MAST4: variants seen among roughly 807,000 people sequenced by gnomAD.
MAST4 encodes microtubule-associated serine/threonine-protein kinase 4.
A neutral mutation model predicts 162.7 loss-of-function variants in MAST4; 89 were observed. That is an observed-to-expected ratio of 0.55 (90% CI 0.46 to 0.65). MAST4 has a LOEUF of 0.65. MAST4 is among the 30% of genes least tolerant of loss of function. MAST4 has a pLI of 0.00. For synonymous variants in MAST4, 1,479 were observed against 1,361.1 expected (o/e 1.09, Z -1.91); for missense variants, 3,153 against 3,374.0 (o/e 0.93, Z 1.62).
At chr5:66,599,754 A>G (rs1742432935) in intron 1 of MAST4, among the ~76,000 whole-genome samples, 2 of 150,722 alleles carry the variant, frequency 1.3e-5, no homozygotes, top group Non-Finnish European at 2.9e-5. Flanking sequence ...AACAGTTTTT[A>G]TTTGTCTCCA....
chr5:66,898,034 A>G (rs1240359053), intron 3 of MAST4, among the ~76,000 whole-genome samples: 1 of 152,202 alleles, frequency 6.6e-6, no homozygotes, highest in Non-Finnish European at 1.5e-5. Flanking sequence ...TTTTGTTGTT[A>G]TTAATGATAA....
chr5:67,057,091 G>C (rs573618503), intron 5 of MAST4, among the ~76,000 whole-genome samples: 1 of 152,266 alleles, frequency 6.6e-6, no homozygotes, highest in East Asian at 1.9e-4. Flanking sequence ...GTGAGAAGTG[G>C]CATTTATTAC....
At chr5:66,906,322 G>T (rs1763351451) in intron 4 of MAST4, among the ~76,000 whole-genome samples, 1 of 152,168 alleles carries the variant, frequency 6.6e-6, no homozygotes, top group African/African-American at 2.4e-5. Flanking sequence ...GGCTGAAAAA[G>T]GGGGATTCGT....
intron 1 of MAST4, among the ~76,000 whole-genome samples, chr5:66,730,842 C>T (rs377079288): frequency 1.3e-5 from 2 of 151,712 alleles, no homozygotes; most frequent in Admixed American, 1.3e-4. Flanking sequence ...TATGGATCCA[C>T]ATATACCAAC....
intron 4 of MAST4, among the ~76,000 whole-genome samples, chr5:66,936,236 CTGAGTT>C (rs1465773804): frequency 1.3e-5 from 2 of 152,182 alleles, no homozygotes; most frequent in East Asian, 3.9e-4. Context: ...TTATAACAGT[CTGAGTT>C]TAATTCCTGG....
intron 1 of MAST4, among the ~76,000 whole-genome samples, chr5:66,611,587 T>C (rs1743291960): frequency 6.6e-6 from 1 of 152,196 alleles, no homozygotes; most frequent in African/African-American, 2.4e-5. Context: ...TGATATCTCT[T>C]TAGGGATCTT....
At chr5:67,057,992 C>T (rs1386498453) in intron 5 of MAST4, among the ~76,000 whole-genome samples, 1 of 150,942 alleles carries the variant, frequency 6.6e-6, no homozygotes, top group Non-Finnish European at 1.5e-5. Context: ...GTGATTGCAG[C>T]ACTGTGGGAG....
At chr5:66,848,802 C>T (rs192991937) in intron 3 of MAST4, among the ~76,000 whole-genome samples, 145 of 152,226 alleles carry the variant, frequency 9.5e-4, no homozygotes, top group African/African-American at 3.2e-3. Flanking sequence ...ATTTAAGATC[C>T]AATTCCATAG....
rs866317814 is a variant in MAST4 at position 66,961,523 on chromosome 5, G to A, written c.674+61541G>A. Among the ~76,000 whole-genome samples the A allele has an allele frequency of 2.6e-5, 4 of 152,290 alleles. No homozygotes were observed. In the South Asian group the frequency reaches 6.2e-4, roughly 24 times the overall value. ...TCAGATATTGAAATCTTAGGTGTGA[G>A]ACATCAAATATATATTTCAGAAATT... On this transcript the variant is annotated intron_variant, in intron 4 of 28. Transcript: ENST00000403625.
intron 7 of MAST4, 95 bp from the exon 8 acceptor site, chr5:67,100,340 G>A (rs1354580777): frequency 1.9e-5 from 22 of 1,145,464 alleles, no homozygotes; most frequent in African/African-American, 3.1e-5. Flanking sequence ...AATAAAAATG[G>A]TGGTATTGTC....
rs1317226333 is a variant in MAST4, at chr5:67,134,642, A to G, written c.2346A>G (p.Pro782=). Residue 782 remains proline (P), a synonymous_variant, in exon 18 of 29, where the codon CCA becomes CCG. Transcript: ENST00000403625. ...ILYEFLVGCV[P]FFGDTPEELF... is the part of the protein sequence containing the mutation. Reference sequence around the variant, plus strand: ...ATGAATTTCTGGTTGGATGCGTGCCATTCTTTGGGGATACTCCAGAGGAGC... The same window carrying G: ...ATGAATTTCTGGTTGGATGCGTGCCGTTCTTTGGGGATACTCCAGAGGAGC... 6 of 1,613,710 alleles carry G rather than the reference A, an allele frequency of 3.7e-6. No homozygotes were observed. In the East Asian group the frequency reaches 1.1e-4, roughly 30 times the overall value.
At chr5:66,708,894 A>G (rs906131735) in intron 1 of MAST4, among the ~76,000 whole-genome samples, 3 of 152,218 alleles carry the variant, frequency 2.0e-5, no homozygotes, top group African/African-American at 7.2e-5. Context: ...AAATTCCTTA[A>G]TAATGGGCAA....
At chr5:66,704,110 A>G (rs1013103010) in intron 1 of MAST4, among the ~76,000 whole-genome samples, 31 of 152,176 alleles carry the variant, frequency 2.0e-4, no homozygotes, top group Non-Finnish European at 2.2e-4. Flanking sequence ...CACACTTCTT[A>G]AGTACCTGAG....
At chr5:66,617,992 T>C (rs768064720) in intron 1 of MAST4, among the ~76,000 whole-genome samples, 19 of 149,556 alleles carry the variant, frequency 1.3e-4, no homozygotes, top group Non-Finnish European at 8.9e-5. Flanking sequence ...CTGTGGAGCT[T>C]TGACATCGTC....
intron 4 of MAST4, among the ~76,000 whole-genome samples, chr5:66,941,427 T>C (rs1743358698): frequency 6.6e-6 from 1 of 152,154 alleles, no homozygotes; most frequent in Non-Finnish European, 1.5e-5. Flanking sequence ...GCGTCTTTCC[T>C]TAAACTTCTG....
chr5:66,624,146 GTTTTTTTT>G (rs200030700), intron 1 of MAST4, among the ~76,000 whole-genome samples: 4 of 90,126 alleles, frequency 4.4e-5, no homozygotes, highest in African/African-American at 9.1e-5. Flanking sequence ...TTGTTAAAAT[GTTTTTTTT>G]TTTTTTTTTT....
intron 3 of MAST4, among the ~76,000 whole-genome samples, chr5:66,833,028 C>A (rs892411126): frequency 2.0e-5 from 3 of 152,088 alleles, no homozygotes; most frequent in African/African-American, 7.2e-5. Flanking sequence ...ACTGTAGTTT[C>A]TATTTCCTGA....
chr5:66,922,768 T>TG (rs1331079194), intron 4 of MAST4, among the ~76,000 whole-genome samples: 6 of 152,104 alleles, frequency 3.9e-5, no homozygotes, highest in African/African-American at 1.4e-4. Context: ...AATTCAGTAG[T>TG]GAAAAAAAAG....
chr5:67,020,666 T>C (rs961263407), intron 4 of MAST4, among the ~76,000 whole-genome samples: 1 of 152,256 alleles, frequency 6.6e-6, no homozygotes, highest in Non-Finnish European at 1.5e-5. Flanking sequence ...AGTTTGGATT[T>C]GGACAGAAGG....
Sources: gnomAD v4.1 joint callset for allele counts (sites outside exome capture counted in the v4.1 genomes callset) on GRCh38, gnomAD v4.1.1 for gene constraint, MANE v1.5 for transcripts, NCBI Gene and HGNC (gene_info 2026-07-23, HGNC 2026-07-21) for gene names.